The following PLCG2 variants were observed in gnomAD, a reference collection of about 807,000 sequenced individuals.
The protein encoded by PLCG2 is phospholipase C gamma 2, also known as 1-phosphatidylinositol 4,5-bisphosphate phosphodiesterase gamma-2.
In PLCG2, 69 loss-of-function variants were observed where a neutral mutation model predicts 175.6. The ratio of observed to expected loss-of-function variants is 0.39; its 90% CI spans 0.32 to 0.48. The LOEUF is 0.48. Ranked by LOEUF, PLCG2 falls within the 20% of genes least tolerant of loss-of-function variation. The probability of loss-of-function intolerance (pLI) is 0.91; values close to 1 mark genes in which losing one functional copy is unlikely to be tolerated. For synonymous variants in PLCG2, 827 were observed against 624.0 expected (o/e 1.33, Z -4.85); for missense variants, 1,798 against 1,650.9 (o/e 1.09, Z -1.54).
intron 21 of PLCG2, among the ~76,000 whole-genome samples, chr16:81,921,792 G>A (rs1722345250): frequency 6.6e-6 from 1 of 152,234 alleles, no homozygotes; most frequent in African/African-American, 2.4e-5. Context: ...GGGCCATGTG[G>A]CACACAATTA....
chr16:81,872,080 G>A (rs1263466957), intron 7 of PLCG2, among the ~76,000 whole-genome samples: 1 of 152,158 alleles, frequency 6.6e-6, no homozygotes, highest in Non-Finnish European at 1.5e-5. Context: ...TGTAACCCCA[G>A]CACTTTGGGA....
At chr16:81,870,475 AAGG>A (rs1401508828) in intron 6 of PLCG2, among the ~76,000 whole-genome samples, 1 of 152,202 alleles carries the variant, frequency 6.6e-6, no homozygotes, top group East Asian at 1.9e-4. Flanking sequence ...CTGCCCAAAA[AAGG>A]AGGAGTTACG....
At chr16:81,853,514 AG>A (rs1906526375) in intron 2 of PLCG2, among the ~76,000 whole-genome samples, 1 of 152,196 alleles carries the variant, frequency 6.6e-6, no homozygotes, top group South Asian at 2.1e-4. Context: ...GTTCTACTTC[AG>A]ATCATCAGGC....
chr16:81,950,307 G>A (rs967717451), intron 31 of PLCG2, among the ~76,000 whole-genome samples: 2 of 152,114 alleles, frequency 1.3e-5, no homozygotes, highest in African/African-American at 2.4e-5. Context: ...TAGAATTTAC[G>A]ATCAGAAGTA....
Position 81,957,720 on chromosome 16 carries a change from G to T in PLCG2, c.3756-236G>T, listed in dbSNP as rs7201504. On this transcript the variant is annotated intron_variant, in intron 32 of 32. Coordinates refer to ENST00000564138, the MANE Select transcript of PLCG2 (RefSeq NM_002661.5). ...CTCCCTTACTCACATTATTCTCATT[G>T]AATCTTCATGTCAGCCTGCAGAGTA... 0.84 allele frequency among the ~76,000 whole-genome samples: 127,688 copies of T among 152,054 alleles called. 53,726 individuals carry two copies. The highest frequency in any genetic ancestry group is 0.93 in the East Asian group (4,828 of 5,172).
chr16:81,867,402 C>T (rs1250199664), intron 5 of PLCG2, among the ~76,000 whole-genome samples: 2 of 152,178 alleles, frequency 1.3e-5, no homozygotes, highest in African/African-American at 4.8e-5. Context: ...GAGCTACTCG[C>T]TTGGAGGCAG....
At chr16:81,787,535 C>CTTT (rs34698199) in intron 2 of PLCG2, among the ~76,000 whole-genome samples, 2 of 141,456 alleles carry the variant, frequency 1.4e-5, no homozygotes, top group African/African-American at 5.2e-5. Flanking sequence ...GCCTTGCACT[C>CTTT]TTTTTTTTTT....
At chr16:81,829,503 C>T (rs1905176708) in intron 2 of PLCG2, among the ~76,000 whole-genome samples, 1 of 152,202 alleles carries the variant, frequency 6.6e-6, no homozygotes, top group Admixed American at 6.5e-5. Context: ...CAGGTGTGAG[C>T]CACCACACCC....
At chr16:81,785,360 C>A (rs989310917) in intron 1 of PLCG2, among the ~76,000 whole-genome samples, 1 of 152,156 alleles carries the variant, frequency 6.6e-6, no homozygotes, top group African/African-American at 2.4e-5. Flanking sequence ...TCAGCAGGAA[C>A]CTTCTCTAGG....
chr16:81,882,112 T>G (rs62047369), intron 8 of PLCG2, among the ~76,000 whole-genome samples: 3 of 152,138 alleles, frequency 2.0e-5, no homozygotes, highest in Admixed American at 2.0e-4. Flanking sequence ...TTACACTATT[T>G]GAAATAGACC....
At chr16:81,870,787 AT>A (rs1378948419) in intron 6 of PLCG2, 64 bp from the exon 7 acceptor site, 2 of 823,000 alleles carry the variant, frequency 2.4e-6, no homozygotes, top group African/African-American at 3.5e-5. Flanking sequence ...TATTCTATAA[AT>A]AGCATGGAGC....
At chr16:81,849,557 G>C (rs989821639) in intron 2 of PLCG2, among the ~76,000 whole-genome samples, 1 of 151,986 alleles carries the variant, frequency 6.6e-6, no homozygotes, top group Non-Finnish European at 1.5e-5. Context: ...TCAGGAGTTC[G>C]AGACAAGCCT....
chr16:81,839,270 G>A (rs1045509429), intron 2 of PLCG2, among the ~76,000 whole-genome samples: 5 of 151,998 alleles, frequency 3.3e-5, no homozygotes, highest in Non-Finnish European at 5.9e-5. Flanking sequence ...ACCTTATAAG[G>A]TTGATAAACA....
intron 13 of PLCG2, chr16:81,897,791 C>T (rs116129264): frequency 5.9e-4 from 267 of 454,338 alleles, no homozygotes; most frequent in African/African-American, 4.4e-3. Flanking sequence ...GTGATCCTCC[C>T]GCCTCAACCT....
chr16:81,852,223 G>C (rs1012367699), intron 2 of PLCG2: 3 of 152,360 alleles, frequency 2.0e-5, no homozygotes, highest in African/African-American at 7.2e-5. Flanking sequence ...CAGCCGTGGA[G>C]GGGAGGTTTT....
intron 21 of PLCG2, among the ~76,000 whole-genome samples, chr16:81,922,170 C>T (rs990186382): frequency 1.3e-5 from 2 of 152,176 alleles, no homozygotes; most frequent in Admixed American, 1.3e-4. Flanking sequence ...TACTGCTTAG[C>T]CTCTGGCCTC....
chr16:81,876,320 G>C (rs1597368112), intron 7 of PLCG2, among the ~76,000 whole-genome samples: 1 of 152,128 alleles, frequency 6.6e-6, no homozygotes, highest in Non-Finnish European at 1.5e-5. Flanking sequence ...ACTGTGCCTG[G>C]CCTAGCTTTT....
At chr16:81,888,644 C>T (rs766075390) in intron 9 of PLCG2, among the ~76,000 whole-genome samples, 104 of 152,160 alleles carry the variant, frequency 6.8e-4, no homozygotes, top group Non-Finnish European at 1.2e-3. Context: ...TGGGGAGGCA[C>T]AGAGACGGTA....
At chr16:81,801,137 T>C (rs1236254623) in intron 2 of PLCG2, among the ~76,000 whole-genome samples, 2 of 152,212 alleles carry the variant, frequency 1.3e-5, no homozygotes, top group African/African-American at 2.4e-5. Flanking sequence ...AAAGCTATTA[T>C]GCATGTGGGA....
Sources: gnomAD v4.1 joint callset for allele counts (sites outside exome capture counted in the v4.1 genomes callset) on GRCh38, gnomAD v4.1.1 for gene constraint, MANE v1.5 for transcripts, NCBI Gene and HGNC (gene_info 2026-07-23, HGNC 2026-07-21) for gene names.